The following CCSER2 variants were observed in gnomAD, a reference collection of about 807,000 sequenced individuals.
CCSER2 encodes serine-rich coiled-coil domain-containing protein 2.
CCSER2 carries 46 observed loss-of-function variants against 92.3 expected under a neutral mutation model. The ratio of observed to expected loss-of-function variants is 0.50; its 90% confidence interval spans 0.39 to 0.64. The LOEUF (loss-of-function observed/expected upper bound fraction) is 0.64, where lower values mean the gene tolerates loss of function less well. Among genes scored for constraint, CCSER2 ranks in the 30% least tolerant of loss-of-function variants. The probability of loss-of-function intolerance (pLI) is 0.00; values close to 1 mark genes in which losing one functional copy is unlikely to be tolerated. For synonymous variants in CCSER2, 433 were observed against 431.4 expected (o/e 1.00, Z -0.04); for missense variants, 1,244 against 1,238.9 (o/e 1.00, Z -0.06).
intron 7 of CCSER2, among the ~76,000 whole-genome samples, chr10:84,466,467 T>C (rs1846435958): frequency 6.6e-6 from 1 of 152,096 alleles, no homozygotes; most frequent in South Asian, 2.1e-4. Flanking sequence ...GTAAATATCT[T>C]ATGCTTCCTG....
intron 6 of CCSER2, among the ~76,000 whole-genome samples, chr10:84,443,993 G>C (rs976561953): frequency 6.6e-6 from 1 of 152,134 alleles, no homozygotes; most frequent in Non-Finnish European, 1.5e-5. Context: ...GGCCTGTCGG[G>C]GGGTAGGGGG....
At chr10:84,374,672 G>A (rs550417679) in intron 3 of CCSER2, among the ~76,000 whole-genome samples, 66 of 152,334 alleles carry the variant, frequency 4.3e-4, no homozygotes, top group South Asian at 8.3e-4. Context: ...GACCTGCCAT[G>A]AATTTATATG....
intron 3 of CCSER2, among the ~76,000 whole-genome samples, chr10:84,398,719 A>G (rs1589549155): frequency 6.6e-6 from 1 of 152,208 alleles, no homozygotes; most frequent in Non-Finnish European, 1.5e-5. Context: ...GAATTGAGCT[A>G]TAGCTGAAGT....
intron 8 of CCSER2, among the ~76,000 whole-genome samples, chr10:84,474,662 CAAAAA>C (rs397844899): frequency 7.6e-5 from 5 of 65,876 alleles, no homozygotes; most frequent in African/African-American, 2.1e-4. Flanking sequence ...GACTCCATCT[CAAAAA>C]AAAAAAAAAA....
chr10:84,440,604 C>T (rs1285599438), intron 6 of CCSER2, among the ~76,000 whole-genome samples: 1 of 152,194 alleles, frequency 6.6e-6, no homozygotes, highest in Non-Finnish European at 1.5e-5. Context: ...CAGGGACTTA[C>T]TTTTGCCATA....
chr10:84,363,272 G>A (rs966350486), intron 1 of CCSER2, among the ~76,000 whole-genome samples: 1 of 151,978 alleles, frequency 6.6e-6, no homozygotes, highest in African/African-American at 2.4e-5. Context: ...GGGATTACAG[G>A]TGTGAGCCAC....
At chr10:84,417,719 A>G (rs948171869) in intron 3 of CCSER2, 52 bp from the exon 4 acceptor site, 3 of 845,188 alleles carry the variant, frequency 3.5e-6, no homozygotes, top group African/African-American at 1.7e-5. Context: ...ATAATGGTTG[A>G]CATATCCTTA....
intron 3 of CCSER2, among the ~76,000 whole-genome samples, chr10:84,379,921 A>C (rs1840805076): frequency 6.6e-6 from 1 of 152,152 alleles, no homozygotes; most frequent in African/African-American, 2.4e-5. Context: ...TTTATTGCTA[A>C]TAATAATGTC....
chr10:84,490,988 A>C (rs965039388), intron 9 of CCSER2, among the ~76,000 whole-genome samples: 34 of 152,156 alleles, frequency 2.2e-4, no homozygotes, highest in Admixed American at 1.5e-3. Context: ...GGTCTGTTGG[A>C]ATTTGCTGGA....
At chr10:84,465,971 C>T (rs1402708839) in intron 7 of CCSER2, among the ~76,000 whole-genome samples, 1 of 152,192 alleles carries the variant, frequency 6.6e-6, no homozygotes, top group Non-Finnish European at 1.5e-5. Context: ...ATCTCCTGAC[C>T]TTGTGATCCG....
At chr10:84,425,250 A>G (rs1339952521) in intron 4 of CCSER2, 2 of 719,666 alleles carry the variant, frequency 2.8e-6, no homozygotes, top group East Asian at 1.3e-4. Flanking sequence ...TAAAAGTGTG[A>G]TTTGTTTGTG....
chr10:84,486,186 T>C (rs7919130), intron 9 of CCSER2, among the ~76,000 whole-genome samples: 2,266 of 152,290 alleles, frequency 0.015, 57 homozygotes, highest in African/African-American at 0.051. Flanking sequence ...CTATTGTGAA[T>C]AGTGCTGCAG....
rs529701850 is a variant in CCSER2 at position 84,414,009 on chromosome 10, C to T, written c.1615-3762C>T. ...GTTTTCCATTTGCTTGGTAAATATT[C>T]CCCTTCCCTTTATTTTGAGCCTATG... On this transcript the variant is annotated intron_variant, in intron 3 of 9. Coordinates refer to ENST00000372088, the MANE Select transcript of CCSER2 (RefSeq NM_001284240.2). 2.4e-3 allele frequency among the ~76,000 whole-genome samples: 367 copies of T among 152,162 alleles called. 1 individual carries two copies. Among genetic ancestry groups the T allele is most frequent in the African/African-American group, 8.5e-3 (351 of 41,494 alleles).
chr10:84,405,724 C>T (rs1234012813), intron 3 of CCSER2, among the ~76,000 whole-genome samples: 1 of 152,138 alleles, frequency 6.6e-6, no homozygotes, highest in Non-Finnish European at 1.5e-5. Flanking sequence ...ACATCATTAG[C>T]AAATTCAGGC....
intron 9 of CCSER2, among the ~76,000 whole-genome samples, chr10:84,503,172 G>A (rs1485164698): frequency 6.6e-6 from 1 of 151,996 alleles, no homozygotes; most frequent in Non-Finnish European, 1.5e-5. Flanking sequence ...AGCTTGCCGT[G>A]AGCCAGATCG....
intron 3 of CCSER2, among the ~76,000 whole-genome samples, chr10:84,378,647 C>G (rs1846471159): frequency 6.6e-6 from 1 of 152,086 alleles, no homozygotes; most frequent in South Asian, 2.1e-4. Context: ...GTTGGCCAGG[C>G]TGGTCTCGAA....
intron 7 of CCSER2, among the ~76,000 whole-genome samples, chr10:84,464,731 A>G (rs1475780153): frequency 6.6e-6 from 1 of 152,166 alleles, no homozygotes; most frequent in African/African-American, 2.4e-5. Context: ...TGTCTTCCTC[A>G]TTCTGGGATC....
At chr10:84,481,680 A>G (rs1441985402) in intron 9 of CCSER2, among the ~76,000 whole-genome samples, 1 of 152,136 alleles carries the variant, frequency 6.6e-6, no homozygotes, top group Non-Finnish European at 1.5e-5. Flanking sequence ...GTTTTTAAGT[A>G]TAAGTTTTTA....
intron 9 of CCSER2, among the ~76,000 whole-genome samples, chr10:84,491,556 T>C (rs1188782): frequency 0.85 from 130,020 of 152,158 alleles, 55,631 homozygotes; most frequent in East Asian, 0.9. Context: ...AGGATATAAT[T>C]TCCTGGTGTG....
Sources: allele counts gnomAD v4.1 joint callset (sites outside exome capture counted in the v4.1 genomes callset), GRCh38; gene constraint gnomAD v4.1.1; transcripts MANE v1.5; gene names NCBI Gene and HGNC (gene_info 2026-07-23, HGNC 2026-07-21).